Variants in DGKG observed in about 807,000 individuals in gnomAD.
DGKG encodes diacylglycerol kinase gamma.
In DGKG, 78 loss-of-function variants were observed where a neutral mutation model predicts 105.3. The ratio of observed to expected loss-of-function variants is 0.74; its 90% CI spans 0.62 to 0.89. DGKG has a LOEUF of 0.89. Among genes scored for constraint, DGKG ranks in the 40% least tolerant of loss-of-function variants. The pLI is 0.00. For synonymous variants in DGKG, 346 were observed against 367.1 expected, an observed-to-expected ratio of 0.94 and a Z score of 0.66; for missense variants, 958 against 1,020.1, an observed-to-expected ratio of 0.94 and a Z score of 0.83.
At chr3:186,313,388 C>A in intron 2 of DGKG, 2 of 621,572 alleles carry the variant, frequency 3.2e-6, no homozygotes, top group Non-Finnish European at 4.0e-6. Context: ...TTTTTTAAGA[C>A]ACAATTTTTT....
At chr3:186,294,233 CAATAAGTTCT>C (rs991052178) in intron 5 of DGKG, among the ~76,000 whole-genome samples, 3 of 152,152 alleles carry the variant, frequency 2.0e-5, no homozygotes, top group Non-Finnish European at 4.4e-5. Flanking sequence ...GACATATCCC[CAATAAGTTCT>C]TCCTTGGTAC....
Position 186,251,838 on chromosome 3 carries a change from T to G in DGKG, c.1682A>C (p.Glu561Ala), listed in dbSNP as rs1195448952. ...TTCCACTTCCTCTCTGGGGATGACT[T>G]CCAGATGCCAGCGGTCCAGCATCAC... Reference protein sequence around the residue: ...PLVMLDRWHLEVIPREEVENG... With the variant: ...PLVMLDRWHLAVIPREEVENG... The change falls in exon 19 of 25, where the codon GAA becomes GCA. Residue 561 changes from glutamate (E) to alanine (A), a missense_variant. Glu to Ala is a moderately radical substitution (Grantham distance 107). This residue lies in a region of DGKG where 315 missense variants were observed against 400.6 expected (regional missense o/e 0.79). Transcript: ENST00000265022. 6.8e-6 allele frequency: 11 copies of G among 1,613,544 alleles called. No homozygotes were observed. The highest frequency in any genetic ancestry group is 9.3e-6 in the Non-Finnish European group (11 of 1,179,748).
intron 5 of DGKG, among the ~76,000 whole-genome samples, chr3:186,297,138 C>CA (rs1553815266): frequency 6.6e-6 from 1 of 150,660 alleles, no homozygotes; most frequent in Non-Finnish European, 1.5e-5. Context: ...TTTTTCTGGG[C>CA]AGGCAGACAT....
At chr3:186,257,167 GC>G (rs1560118412) in intron 17 of DGKG, among the ~76,000 whole-genome samples, 1 of 152,200 alleles carries the variant, frequency 6.6e-6, no homozygotes, top group East Asian at 1.9e-4. Flanking sequence ...TCCCCCGGCC[GC>G]TTTCTTGTCC....
chr3:186,335,068 T>C (rs1725766228), intron 1 of DGKG, among the ~76,000 whole-genome samples: 1 of 152,146 alleles, frequency 6.6e-6, no homozygotes, highest in Non-Finnish European at 1.5e-5. Context: ...TTGTAAGACC[T>C]GGAGCCCTTG....
At chr3:186,346,525 G>A (rs866327809) in intron 1 of DGKG, among the ~76,000 whole-genome samples, 1 of 152,044 alleles carries the variant, frequency 6.6e-6, no homozygotes, top group Non-Finnish European at 1.5e-5. Flanking sequence ...CTATAAACTT[G>A]GTGCTTGTCA....
At chr3:186,242,714 G>A (rs1238336398) in intron 19 of DGKG, 146 bp from the exon 20 acceptor site, 9 of 611,716 alleles carry the variant, frequency 1.5e-5, no homozygotes, top group South Asian at 4.7e-5. Flanking sequence ...TCACATCCGC[G>A]GAGCCAACAG....
At chr3:186,162,649 C>A (rs1716353426) in intron 23 of DGKG, among the ~76,000 whole-genome samples, 1 of 152,194 alleles carries the variant, frequency 6.6e-6, no homozygotes, top group Non-Finnish European at 1.5e-5. Flanking sequence ...ACACCATTCT[C>A]CTGCCTCAGC....
At chr3:186,235,345 C>T (rs980300155) in intron 20 of DGKG, among the ~76,000 whole-genome samples, 3 of 152,176 alleles carry the variant, frequency 2.0e-5, no homozygotes, top group African/African-American at 7.2e-5. Context: ...TTGAGGGAAG[C>T]AGGTGCAGAC....
chr3:186,324,553 G>A (rs1017262008), intron 1 of DGKG, among the ~76,000 whole-genome samples: 1 of 145,762 alleles, frequency 6.9e-6, no homozygotes, highest in African/African-American at 2.5e-5. Flanking sequence ...CCATTAAAAA[G>A]TGGGCAAAGG....
chr3:186,299,806 T>TTTCC (rs1723799737), intron 3 of DGKG, among the ~76,000 whole-genome samples: 160 of 99,962 alleles, frequency 1.6e-3, no homozygotes, highest in African/African-American at 6.0e-3. Context: ...TCTTTCTTTC[T>TTTCC]TTCTTTCTTT....
chr3:186,308,668 T>C (rs1197372504), intron 2 of DGKG, among the ~76,000 whole-genome samples: 1 of 152,192 alleles, frequency 6.6e-6, no homozygotes, highest in East Asian at 1.9e-4. Flanking sequence ...AAAATGGAAA[T>C]TTCTTTCTGA....
intron 22 of DGKG, among the ~76,000 whole-genome samples, chr3:186,185,487 T>G (rs1717579970): frequency 6.6e-6 from 1 of 152,180 alleles, no homozygotes; most frequent in Non-Finnish European, 1.5e-5. Flanking sequence ...AAGGTTGTCC[T>G]TGATCAGCAC....
intron 1 of DGKG, among the ~76,000 whole-genome samples, chr3:186,329,750 T>G (rs1428608113): frequency 6.6e-6 from 1 of 152,248 alleles, no homozygotes; most frequent in Admixed American, 6.5e-5. Flanking sequence ...TATGCAGGCT[T>G]TGGAGTTTAG....
At chr3:186,224,862 G>A (rs1441010725) in intron 20 of DGKG, among the ~76,000 whole-genome samples, 1 of 151,928 alleles carries the variant, frequency 6.6e-6, no homozygotes, top group Non-Finnish European at 1.5e-5. Flanking sequence ...ATGAGGAGTT[G>A]AACCTCATGG....
At chr3:186,162,219 A>G (rs915349452) in intron 23 of DGKG, among the ~76,000 whole-genome samples, 6 of 152,184 alleles carry the variant, frequency 3.9e-5, no homozygotes, top group Admixed American at 3.9e-4. Context: ...AATAAGCACT[A>G]CAGGGGATTC....
At chr3:186,257,704 A>C in intron 17 of DGKG, 150 bp downstream of exon 17, 2 of 573,904 alleles carry the variant, frequency 3.5e-6, no homozygotes, top group Non-Finnish European at 6.2e-6. Context: ...TTTTCCACCC[A>C]AAGCAAATAT....
chr3:186,313,649 TCA>T (rs373606763), intron 2 of DGKG: 4 of 278,624 alleles, frequency 1.4e-5, no homozygotes, highest in African/African-American at 4.6e-5. Flanking sequence ...ACCTACTGAT[TCA>T]CAGTCTGCAT....
At chr3:186,335,404 TA>T (rs1214050663) in intron 1 of DGKG, among the ~76,000 whole-genome samples, 6 of 152,222 alleles carry the variant, frequency 3.9e-5, no homozygotes, top group Non-Finnish European at 7.3e-5. Flanking sequence ...AAGTAATATT[TA>T]AGCTCTTTTT....
Sources: gnomAD v4.1 joint callset for allele counts (sites outside exome capture counted in the v4.1 genomes callset) on GRCh38, gnomAD v4.1.1 for gene constraint, gnomAD v4.1.1 regional missense constraint, MANE v1.5 for transcripts, NCBI Gene and HGNC (gene_info 2026-07-23, HGNC 2026-07-21) for gene names.